The following FERMT3 variants were observed in gnomAD, a reference collection of about 807,000 sequenced individuals.
The protein encoded by FERMT3 is fermitin family homolog 3.
FERMT3 carries 33 observed loss-of-function variants against 80.8 expected under a neutral mutation model. The observed-to-expected ratio is 0.41, with a 90% CI of 0.31 to 0.55. FERMT3 has a LOEUF of 0.55. FERMT3 is among the 20% of genes least tolerant of loss of function. FERMT3 has a pLI of 0.31. For missense variants in FERMT3, 754 were observed against 908.7 expected (o/e 0.83, Z 2.19); for synonymous variants, 375 against 372.2 (o/e 1.01, Z -0.09).
chr11:64,210,868 T>C lies in FERMT3; in HGVS notation c.394+24T>C. ...CAGTAAGTTGCCCGGCTGATTCCCC[T>C]GGCCCACGAGGGTGATGCAAAGAGG... On this transcript the variant is annotated intron_variant, in intron 3 of 14. Coordinates refer to ENST00000345728, the MANE Select transcript of FERMT3 (RefSeq NM_031471.6). The surrounding 1 kb of genome is among the most constrained non-coding windows in gnomAD (Gnocchi z 4.3). 6.2e-7 allele frequency: 1 copy of C among 1,609,876 alleles called. No individual in the cohort carries two copies. The highest frequency in any genetic ancestry group is 8.5e-7 in the Non-Finnish European group (1 of 1,179,698).
At position 64,210,530 on chromosome 11, in the gene FERMT3, C is replaced by T; in HGVS notation, c.161-81C>T. ...AGGGCAGGGGAGTGGTCGCCCCAGG[C>T]TTCTGAATCCTGGGGTTGTGCTGGG... On this transcript the variant is annotated intron_variant, in intron 2 of 14. Transcript: ENST00000345728. The surrounding 1 kb of genome is among the most constrained non-coding windows in gnomAD (Gnocchi z 4.3). 1 of 1,425,138 alleles carries T rather than the reference C, an allele frequency of 7.0e-7. No homozygotes were observed. Among genetic ancestry groups the T allele is most frequent in the South Asian group, 1.2e-5 (1 of 84,628 alleles). The allele number at this position is 1,425,138 out of a possible 1,614,324, so 88.3% of individuals were successfully genotyped here.
upstream of FERMT3, among the ~76,000 whole-genome samples, chr11:64,206,313 G>A (rs1222188379): frequency 1.3e-5 from 2 of 152,196 alleles, no homozygotes; most frequent in Non-Finnish European, 2.9e-5. Context: ...GGCTGGAGCC[G>A]ATTTAACCTG....
At position 64,220,614 on chromosome 11, in the gene FERMT3, T is replaced by G. The variant is rs780204043; in HGVS notation, c.1490T>G (p.Leu497Arg). 1 of 1,611,502 alleles carries G rather than the reference T, an allele frequency of 6.2e-7. No homozygotes were observed. The highest frequency in any genetic ancestry group is 1.3e-5 in the African/African-American group (1 of 74,988). ...PHGPDASAEG[L>R]NPYGLVAPRF... is the part of the protein sequence containing the mutation. ...GGCCCTGATGCCTCTGCCGAGGGCCTCAACCCCTACGGCCTCGTTGCCCCC... is the reference window on the plus strand; with the variant it reads ...GGCCCTGATGCCTCTGCCGAGGGCCGCAACCCCTACGGCCTCGTTGCCCCC... The change falls in exon 12 of 15, where the codon CTC becomes CGC. Residue 497 changes from leucine (L) to arginine (R), a missense_variant. Leu to Arg is a moderately radical substitution (Grantham distance 102, BLOSUM62 -2). Transcript: ENST00000345728.
intron 13 of FERMT3, among the ~76,000 whole-genome samples, chr11:64,222,240 C>CAAAT (rs56402636): frequency 0.079 from 10,824 of 137,224 alleles, 543 homozygotes; most frequent in Middle Eastern, 0.11. Context: ...GACTCAGTCT[C>CAAAT]AAATAAATAA....
intron 6 of FERMT3, among the ~76,000 whole-genome samples, chr11:64,215,074 T>C (rs1258058587): frequency 6.6e-6 from 1 of 152,172 alleles, no homozygotes; most frequent in Admixed American, 6.5e-5. Context: ...CCTCCCAAAG[T>C]GCTGGGATTA....
chr11:64,210,809 T>C lies in FERMT3; in HGVS notation c.359T>C (p.Leu120Pro). Residue 120 changes from leucine (L) to proline (P), a missense_variant, in exon 3 of 15, where the codon CTC becomes CCC. Transcript: ENST00000345728. The surrounding 1 kb of genome is among the most constrained non-coding windows in gnomAD (Gnocchi z 4.3). ...CTCCGTGCCAGCTTCTCCCAGCCCC[T>C]CTTCCAGGCTGTGGCTGCCATCTGC... is the stretch of plus-strand genomic sequence containing the variant. ...LRLRASFSQP[L>P]FQAVAAICRL... 6.2e-7 allele frequency: 1 copy of C among 1,613,452 alleles called. No individual in the cohort carries two copies. Among genetic ancestry groups the C allele is most frequent in the Non-Finnish European group, 8.5e-7 (1 of 1,179,974 alleles).
At chr11:64,214,168 C>CTTTTTTTTTTTTTTTTT (rs60329788) in intron 6 of FERMT3, among the ~76,000 whole-genome samples, 1 of 113,454 alleles carries the variant, frequency 8.8e-6, no homozygotes, top group Admixed American at 1.1e-4. Flanking sequence ...TCATAATTGC[C>CTTTTTTTTTTTTTTTTT]TTTTTTTTTT....
chr11:64,220,755 A>G, intron 12 of FERMT3, 86 bp downstream of exon 12: 1 of 1,360,564 alleles, frequency 7.3e-7, no homozygotes, highest in Non-Finnish European at 1.0e-6. Context: ...CTTCCTCAGG[A>G]AAGCTACGTA....
At position 64,223,576 on chromosome 11, in the gene FERMT3, A is replaced by C; in HGVS notation, c.*84A>C. 1 of 1,470,764 alleles carries C rather than the reference A, an allele frequency of 6.8e-7. No individual in the cohort carries two copies. The highest frequency in any genetic ancestry group is 2.4e-5 in the East Asian group (1 of 41,022). The allele number at this position is 1,470,764 out of a possible 1,614,324, so 91.1% of individuals were successfully genotyped here. On this transcript the variant is annotated 3_prime_UTR_variant, in exon 15 of 15. Coordinates refer to ENST00000345728, the MANE Select transcript of FERMT3 (RefSeq NM_031471.6). ...CACCCACAGGGGCTCACTGCCCCAC[A>C]CCCGCTCCAGGCAGGCACCCAGCTG...
intron 13 of FERMT3, among the ~76,000 whole-genome samples, chr11:64,222,423 C>T (rs1242340161): frequency 6.7e-6 from 1 of 148,354 alleles, no homozygotes; most frequent in East Asian, 2.0e-4. Context: ...AAATCAGCCA[C>T]AAGTGGTGGC....
intron 6 of FERMT3, among the ~76,000 whole-genome samples, chr11:64,216,935 T>A (rs1442342263): frequency 6.6e-6 from 1 of 152,184 alleles, no homozygotes; most frequent in Non-Finnish European, 1.5e-5. Flanking sequence ...TTATTCTTGT[T>A]GTCTTGGTCT....
intron 6 of FERMT3, among the ~76,000 whole-genome samples, chr11:64,216,346 A>G (rs914015963): frequency 2.0e-5 from 3 of 150,736 alleles, no homozygotes; most frequent in South Asian, 2.1e-4. Flanking sequence ...ACAGGCATGC[A>G]CCACCACGCC....
intron 10 of FERMT3, 33 bp downstream of exon 10, chr11:64,220,048 G>T (rs780512474): frequency 3.1e-6 from 5 of 1,610,952 alleles, no homozygotes; most frequent in African/African-American, 2.7e-5. Flanking sequence ...TGGGTGGGGG[G>T]ATCCCCACTT....
chr11:64,220,783 AC>A lies in FERMT3; in HGVS notation c.1545+115del, dbSNP rs2134887201. 14 of 1,279,750 alleles carry A rather than the reference AC, an allele frequency of 1.1e-5. 1 individual carries two copies. The South Asian group carries it at 1.6e-4, about 15-fold the overall frequency. The allele number at this position is 1,279,750 out of a possible 1,614,324, so 79.3% of individuals were successfully genotyped here. A position where few individuals can be genotyped will look rare whatever the true frequency, so the allele number is the denominator to read the frequency against. On this transcript the variant is annotated intron_variant, in intron 12 of 14. Transcript: ENST00000345728. ...GCTACGTACTCACTGGGCTTCTCCC[AC>A]TGTGTCCCTGAGATTGTGCGGCTGG...
intron 13 of FERMT3, 61 bp from the exon 14 acceptor site, chr11:64,222,983 TTGTC>T (rs1459892784): frequency 1.9e-6 from 3 of 1,602,644 alleles, no homozygotes; most frequent in African/African-American, 1.3e-5. Context: ...CGGCGCCACA[TTGTC>T]TGGGCGGGCT....
At position 64,220,356 on chromosome 11, in the gene FERMT3, C is replaced by T. The variant is rs192282539; in HGVS notation, c.1311+30C>T. 5,164 of 1,609,700 alleles carry T rather than the reference C, an allele frequency of 3.2e-3. 12 individuals are homozygous for T. The highest frequency in any genetic ancestry group is 3.5e-3 in the Non-Finnish European group (4,151 of 1,176,926). On this transcript the variant is annotated intron_variant, in intron 11 of 14. Transcript: ENST00000345728. ...GTGAGGGCTGGGCAGGGGCCAGGGC[C>T]GGGCAGGAGCTGGGGCAGGGGCAGG... is the stretch of plus-strand genomic sequence containing the variant.
At chr11:64,223,230 A>G in intron 14 of FERMT3, 41 bp downstream of exon 14, 1 of 1,613,304 alleles carries the variant, frequency 6.2e-7, no homozygotes, top group Non-Finnish European at 8.5e-7. Context: ...GGACAGGTGC[A>G]GGCCGGAGCT....
Position 64,218,306 on chromosome 11 carries a change from C to G in FERMT3, c.787-945C>G, listed in dbSNP as rs769483613. Among the ~76,000 whole-genome samples, 4 of 151,664 alleles carry G rather than the reference C, an allele frequency of 2.6e-5. No individual in the cohort carries two copies. In the East Asian group the frequency reaches 5.8e-4, roughly 22 times the overall value. The stretch of plus-strand genomic sequence containing the variant: ...GGCGTGAGCCACTGCGCCTGGCCTT[C>G]TTTTTCTTTCTTTTGGAGACAAGGT... On this transcript the variant is annotated intron_variant, in intron 6 of 14. Transcript: ENST00000345728.
At position 64,220,043 on chromosome 11, in the gene FERMT3, G is replaced by T. The variant is rs369817489; in HGVS notation, c.1204+28G>T. On this transcript the variant is annotated intron_variant, in intron 10 of 14. Coordinates refer to ENST00000345728, the MANE Select transcript of FERMT3 (RefSeq NM_031471.6). ...AAGTGCACAGGGCCAGGGGCTGGGT[G>T]GGGGGATCCCCACTTGTGGGCTAGG... is the stretch of plus-strand genomic sequence containing the variant. 3.3e-5 allele frequency: 53 copies of T among 1,611,808 alleles called. 1 individual carries two copies. Among genetic ancestry groups the T allele is most frequent in the Admixed American group, 2.2e-4 (13 of 59,988 alleles).
Sources: allele counts gnomAD v4.1 joint callset (sites outside exome capture counted in the v4.1 genomes callset), GRCh38; gene constraint gnomAD v4.1.1; non-coding constraint Gnocchi (gnomAD v3.1); transcripts MANE v1.5; gene names NCBI Gene and HGNC (gene_info 2026-07-23, HGNC 2026-07-21).